Variants in KCNH8 observed in about 807,000 individuals in gnomAD.
The protein encoded by KCNH8 is voltage-gated delayed rectifier potassium channel KCNH8.
A neutral mutation model predicts 103.6 loss-of-function variants in KCNH8; 70 were observed. The observed-to-expected ratio is 0.68, with a 90% CI of 0.56 to 0.82. KCNH8 has a LOEUF of 0.82. KCNH8 is among the 40% of genes least tolerant of loss of function. The probability of loss-of-function intolerance (pLI) is 0.00; values close to 1 mark genes in which losing one functional copy is unlikely to be tolerated. For missense variants in KCNH8, 1,217 were observed against 1,329.9 expected (o/e 0.92, Z 1.32); for synonymous variants, 498 against 489.4 (o/e 1.02, Z -0.23).
At chr3:19,455,559 A>G (rs759950327) in intron 10 of KCNH8, among the ~76,000 whole-genome samples, 1 of 152,124 alleles carries the variant, frequency 6.6e-6, no homozygotes, top group African/African-American at 2.4e-5. Context: ...CTAGACAGTA[A>G]GAAGGCCACA....
intron 11 of KCNH8, among the ~76,000 whole-genome samples, chr3:19,492,982 G>A (rs2068359335): frequency 6.6e-6 from 1 of 151,770 alleles, no homozygotes. Context: ...TTTTCTTTGT[G>A]ACTATTGTAA....
intron 11 of KCNH8, among the ~76,000 whole-genome samples, chr3:19,496,605 T>G (rs2068446718): frequency 6.6e-6 from 1 of 152,136 alleles, no homozygotes; most frequent in Admixed American, 6.5e-5. Flanking sequence ...TAGTATTTTG[T>G]TGAGGATTTT....
intron 11 of KCNH8, among the ~76,000 whole-genome samples, chr3:19,487,024 G>A (rs1219489067): frequency 6.6e-6 from 1 of 152,206 alleles, no homozygotes; most frequent in African/African-American, 2.4e-5. Context: ...CTGCCAAGGA[G>A]TGTCCCAGCA....
chr3:19,193,550 A>G (rs1189990949), intron 1 of KCNH8, among the ~76,000 whole-genome samples: 2 of 151,848 alleles, frequency 1.3e-5, no homozygotes, highest in Admixed American at 1.3e-4. Flanking sequence ...CCGTGCAAAG[A>G]TCAGATGAGA....
At chr3:19,240,378 C>T (rs555886546) in intron 1 of KCNH8, among the ~76,000 whole-genome samples, 3 of 151,972 alleles carry the variant, frequency 2.0e-5, no homozygotes, top group African/African-American at 4.8e-5. Context: ...TTTGGGAGGC[C>T]GAGGTGAGCG....
chr3:19,209,194 C>A (rs1469365189), intron 1 of KCNH8, among the ~76,000 whole-genome samples: 2 of 151,994 alleles, frequency 1.3e-5, no homozygotes, highest in African/African-American at 4.8e-5. Context: ...CAGTTCCCAT[C>A]CCTTAACTGC....
At chr3:19,248,321 A>G (rs551449896) in intron 1 of KCNH8, among the ~76,000 whole-genome samples, 282 of 152,302 alleles carry the variant, frequency 1.9e-3, no homozygotes, top group African/African-American at 6.4e-3. Flanking sequence ...TGTGCTGCCT[A>G]TGAGACTCCA....
At chr3:19,451,626 G>C (rs1252491039) in intron 10 of KCNH8, among the ~76,000 whole-genome samples, 5 of 152,044 alleles carry the variant, frequency 3.3e-5, no homozygotes, top group Admixed American at 6.6e-5. Context: ...CTCCATTTTA[G>C]ACATGAATAA....
At chr3:19,301,158 T>C (rs2065060125) in intron 3 of KCNH8, among the ~76,000 whole-genome samples, 1 of 151,702 alleles carries the variant, frequency 6.6e-6, no homozygotes, top group African/African-American at 2.4e-5. Flanking sequence ...ACCCAAGCCC[T>C]ATTAAGCTTG....
At chr3:19,243,854 C>G (rs2064172667) in intron 1 of KCNH8, among the ~76,000 whole-genome samples, 1 of 152,078 alleles carries the variant, frequency 6.6e-6, no homozygotes. Context: ...CAAGTAAAGT[C>G]TAGACTGTGC....
intron 4 of KCNH8, among the ~76,000 whole-genome samples, chr3:19,346,461 A>G (rs190799519): frequency 1.3e-5 from 2 of 152,216 alleles, no homozygotes; most frequent in East Asian, 3.9e-4. Context: ...AAGTACTGAC[A>G]TTATGAGATG....
chr3:19,363,734 T>A (rs2065975574), intron 5 of KCNH8, among the ~76,000 whole-genome samples: 1 of 152,156 alleles, frequency 6.6e-6, no homozygotes, highest in Admixed American at 6.6e-5. Context: ...TTCTTGGATG[T>A]CTTTTTCTAT....
At chr3:19,383,442 T>A (rs1199364740) in intron 5 of KCNH8, among the ~76,000 whole-genome samples, 1 of 151,870 alleles carries the variant, frequency 6.6e-6, no homozygotes, top group African/African-American at 2.4e-5. Context: ...AGTGGCACAA[T>A]CCCAGGGCTC....
chr3:19,456,558 G>A (rs1004241512), intron 10 of KCNH8, among the ~76,000 whole-genome samples: 1 of 151,930 alleles, frequency 6.6e-6, no homozygotes, highest in Non-Finnish European at 1.5e-5. Context: ...GGTTCTTTAT[G>A]AAATTGAGCA....
At chr3:19,423,700 T>TTAGGCATTTA (rs1162701523) in intron 7 of KCNH8, among the ~76,000 whole-genome samples, 14 of 152,120 alleles carry the variant, frequency 9.2e-5, no homozygotes, top group Admixed American at 3.3e-4. Context: ...GCATTTAGGC[T>TTAGGCATTTA]GGTTTCATAT....
rs181877790 is a variant in KCNH8 at position 19,280,737 on chromosome 3, T to C, written c.311-461T>C. 2.1e-4 allele frequency among the ~76,000 whole-genome samples: 32 copies of C among 152,180 alleles called. No homozygotes were observed. In the East Asian group the frequency reaches 6.0e-3, roughly 29 times the overall value. On this transcript the variant is annotated intron_variant, in intron 2 of 15. Transcript: ENST00000328405. The stretch of plus-strand genomic sequence containing the variant: ...GTGCACGCTCCCCAAAACTTGATAC[T>C]TTTCACCTTTTTTATTTTAGCATTC...
At chr3:19,501,134 G>C (rs2068573580) in intron 11 of KCNH8, among the ~76,000 whole-genome samples, 2 of 152,146 alleles carry the variant, frequency 1.3e-5, no homozygotes, top group African/African-American at 4.8e-5. Flanking sequence ...TACCATCAGA[G>C]AATACTACAA....
intron 15 of KCNH8, among the ~76,000 whole-genome samples, chr3:19,530,422 A>G (rs1200401283): frequency 6.6e-6 from 1 of 152,182 alleles, no homozygotes; most frequent in Non-Finnish European, 1.5e-5. Flanking sequence ...ATAAATATGT[A>G]TAATTATTAT....
In KCNH8 at chr3:19,253,877, C is replaced by T; in HGVS notation, c.300C>T (p.Tyr100=). The T allele has an allele frequency of 6.2e-7, 1 of 1,610,660 alleles. No homozygotes were observed. The highest frequency in any genetic ancestry group is 8.5e-7 in the Non-Finnish European group (1 of 1,177,166). Residue 100 remains tyrosine, a synonymous_variant, in exon 2 of 16, where the codon TAC becomes TAT. Transcript: ENST00000328405. ...KTEFKGEIMF[Y]KKNGSPFWCL... is the part of the protein sequence containing the mutation. ...AATTCAAAGGAGAAATTATGTTCTA[C>T]AAGAAAAACGGTGAGTTGGCTTTCT...
Sources: allele counts gnomAD v4.1 joint callset (sites outside exome capture counted in the v4.1 genomes callset), GRCh38; gene constraint gnomAD v4.1.1; transcripts MANE v1.5; gene names NCBI Gene and HGNC (gene_info 2026-07-23, HGNC 2026-07-21).